Variants in GEMIN4 observed in about 807,000 individuals in gnomAD.
GEMIN4 encodes gem-associated protein 4.
GEMIN4 carries 59 observed loss-of-function variants against 76.8 expected under a neutral mutation model. The ratio of observed to expected loss-of-function variants is 0.77; its 90% confidence interval spans 0.62 to 0.95. The LOEUF is 0.95. GEMIN4 is among the 40% of genes least tolerant of loss of function. The pLI is 0.00. For synonymous variants in GEMIN4, 562 were observed against 559.7 expected, an observed-to-expected ratio of 1.00 and a Z score of -0.06; for missense variants, 1,311 against 1,318.9, an observed-to-expected ratio of 0.99 and a Z score of 0.09.
rs560016917 is a variant in GEMIN4 at position 744,776 on chromosome 17, T to G, written c.*90A>C. On this transcript the variant is annotated 3_prime_UTR_variant, in exon 2 of 2. Transcript: ENST00000319004. The stretch of plus-strand genomic sequence containing the variant: ...GTCTGACCCCTACAGACCTGCCATG[T>G]TGAAGCCCAGCTTTTTCGCTCCCGC... The G allele has an allele frequency of 4.0e-4, 569 of 1,416,622 alleles. 2 individuals carry two copies. The highest frequency in any genetic ancestry group is 7.7e-4 in the Admixed American group (31 of 40,328). The allele number at this position is 1,416,622 out of a possible 1,614,324, so 87.8% of individuals were successfully genotyped here.
rs1241830386 is a variant in GEMIN4 at position 745,760 on chromosome 17, G to T, written c.2283C>A (p.Arg761=). 2 of 1,610,724 alleles carry T rather than the reference G, an allele frequency of 1.2e-6. No homozygotes were observed. Among genetic ancestry groups the T allele is most frequent in the Non-Finnish European group, 8.5e-7 (1 of 1,178,562 alleles). The change falls in exon 2 of 2, where the codon CGC becomes CGA. Residue 761 remains arginine (R), a synonymous_variant. Transcript: ENST00000319004. The surrounding 1 kb of genome is among the most constrained non-coding windows in gnomAD (Gnocchi z 4.6). ...VWIKSLSWLH[R]KLEQLDWTVG... Reference sequence around the variant, plus strand: ...CAGTCCAGTCTAGCTGTTCTAACTTGCGGTGGAGCCAGGACAGGGACTTGA... The same window carrying T: ...CAGTCCAGTCTAGCTGTTCTAACTTTCGGTGGAGCCAGGACAGGGACTTGA...
Position 744,767 on chromosome 17 carries a change from C to G in GEMIN4, c.*99G>C. The G allele has an allele frequency of 7.5e-7, 1 of 1,333,758 alleles. No homozygotes were observed. The highest frequency in any genetic ancestry group is 1.0e-6 in the Non-Finnish European group (1 of 997,136). 82.6% of individuals were successfully genotyped at this position (1,333,758 alleles called of 1,614,324 possible). A position where few individuals can be genotyped will look rare whatever the true frequency, so the allele number is the denominator to read the frequency against. On this transcript the variant is annotated 3_prime_UTR_variant, in exon 2 of 2. Transcript: ENST00000319004. ...GCTGCTCGGGTCTGACCCCTACAGACCTGCCATGTTGAAGCCCAGCTTTTT... is the reference window on the plus strand; with the variant it reads ...GCTGCTCGGGTCTGACCCCTACAGAGCTGCCATGTTGAAGCCCAGCTTTTT...
chr17:745,013 G>A lies in GEMIN4; in HGVS notation c.3030C>T (p.Thr1010=), dbSNP rs533706850. ...PLYVLALETL[T]CYETLSKTNP... is the part of the protein sequence containing the mutation. ...TGGTCTTGCTCAAAGTCTCATAGCA[G>A]GTGAGGGTTTCCAAGGCTAAAACGT... The change falls in exon 2 of 2, where the codon ACC becomes ACT. Residue 1010 remains threonine (T), a synonymous_variant. Coordinates refer to ENST00000319004, the MANE Select transcript of GEMIN4 (RefSeq NM_015721.3). The surrounding 1 kb of genome is among the most constrained non-coding windows in gnomAD (Gnocchi z 4.6). 1.2e-5 allele frequency: 20 copies of A among 1,613,940 alleles called. No individual in the cohort carries two copies. In the South Asian group the frequency reaches 1.6e-4, roughly 13 times the overall value.
At chr17:752,647 C>T, upstream of GEMIN4, 3 of 1,018,296 alleles carry the variant, frequency 2.9e-6, no homozygotes, top group South Asian at 4.6e-5. Context: ...GCCGCGCCGC[C>T]CCCTCCAGAC....
chr17:751,282 G>A (rs554592763), intron 1 of GEMIN4, among the ~76,000 whole-genome samples: 2 of 152,328 alleles, frequency 1.3e-5, no homozygotes, highest in South Asian at 4.1e-4. Context: ...ACGATTTGCT[G>A]AGGGTGTCCC....
chr17:753,928 C>G (rs1395404741), upstream of GEMIN4: 1 of 152,204 alleles, frequency 6.6e-6, no homozygotes, highest in Non-Finnish European at 1.5e-5. Flanking sequence ...AAAGTCAAGT[C>G]CAAAAGCCCC....
rs1567777703 is a variant in GEMIN4 at position 746,642 on chromosome 17, AG to A, written c.1400del (p.Ala467ValfsTer13). 1 of 1,613,576 alleles carries A rather than the reference AG, an allele frequency of 6.2e-7. No homozygotes were observed. Among genetic ancestry groups the A allele is most frequent in the Non-Finnish European group, 8.5e-7 (1 of 1,179,872 alleles). On this transcript the variant is annotated frameshift_variant, in exon 2 of 2. Coordinates refer to ENST00000319004, the MANE Select transcript of GEMIN4 (RefSeq NM_015721.3). LOFTEE classifies it high-confidence loss of function. The surrounding 1 kb of genome is among the most constrained non-coding windows in gnomAD (Gnocchi z 4.3). Reference protein sequence around the residue: ...LLETVIDVSTADRAIPESQIR... With the variant: ...LLETVIDVSTXDRAIPESQIR... The stretch of plus-strand genomic sequence containing the variant: ...TCTGAGACTCAGGGATGGCTCTGTC[AG>A]CTGTGCTGACGTCTATCACTGTTTC...
At position 747,586 on chromosome 17, in the gene GEMIN4, A is replaced by T. The variant is rs201063045; in HGVS notation, c.457T>A (p.Ser153Thr). The T allele has an allele frequency of 1.2e-3, 1,961 of 1,613,926 alleles. 10 individuals are homozygous for T. Among genetic ancestry groups the T allele is most frequent in the South Asian group, 5.9e-3 (535 of 91,072 alleles). Reference protein sequence around the residue: ...RFLEHVTVDTSAEDVAFFLDV... With the variant: ...RFLEHVTVDTTAEDVAFFLDV... ...AGGAAGAAGGCCACGTCTTCGGCAG[A>T]AGTGTCAACGGTCACATGTTCCAGA... Residue 153 changes from serine to threonine, a missense_variant, in exon 2 of 2, where the codon TCT (serine) becomes ACT (threonine). Coordinates refer to ENST00000319004, the MANE Select transcript of GEMIN4 (RefSeq NM_015721.3).
chr17:749,930 T>C (rs1388172942), intron 1 of GEMIN4: 2 of 986,290 alleles, frequency 2.0e-6, no homozygotes, highest in African/African-American at 1.8e-5. Flanking sequence ...AACCAGGGAG[T>C]AGATACAGAA....
Position 747,596 on chromosome 17 carries a change from G to A in GEMIN4, c.447C>T (p.Thr149=), listed in dbSNP as rs140610672. ...AELERFLEHV[T]VDTSAEDVAF... Reference sequence around the variant, plus strand: ...CCACGTCTTCGGCAGAAGTGTCAACGGTCACATGTTCCAGAAAGCGCTCTA... The same window carrying A: ...CCACGTCTTCGGCAGAAGTGTCAACAGTCACATGTTCCAGAAAGCGCTCTA... Residue 149 remains threonine, a synonymous_variant, in exon 2 of 2, where the codon ACC becomes ACT. Transcript: ENST00000319004. The A allele has an allele frequency of 4.0e-5, 65 of 1,613,914 alleles. No homozygotes were observed. The South Asian group carries it at 5.4e-4, about 13-fold the overall frequency.
rs777864633 is a variant in GEMIN4, at chr17:747,394, C to A, written c.649G>T (p.Ala217Ser). 5.0e-6 allele frequency: 8 copies of A among 1,613,668 alleles called. No individual in the cohort carries two copies. Among genetic ancestry groups the A allele is most frequent in the Non-Finnish European group, 5.9e-6 (7 of 1,179,902 alleles). ...PDACPTMPLL[A>S]MLLRGLTQIQ... ...TGTGTCAGCCCGCGGAGCAGCATGG[C>A]CAACAGGGGCATGGTGGGGCACGCG... is the stretch of plus-strand genomic sequence containing the variant. Residue 217 changes from alanine to serine, a missense_variant, in exon 2 of 2, where the codon GCC becomes TCC. Around this residue, in one of 2 missense-constraint regions of GEMIN4, gnomAD observed 1,208 missense variants for 1,166.9 expected, o/e 1.04. Transcript: ENST00000319004.
Position 746,623 on chromosome 17 carries a change from A to C in GEMIN4, c.1420T>G (p.Ser474Ala). Residue 474 changes from serine (S) to alanine (A), a missense_variant, in exon 2 of 2, where the codon TCT (serine) becomes GCT (alanine). Ser to Ala is a moderately conservative substitution (Grantham distance 99, BLOSUM62 1). Transcript: ENST00000319004. The surrounding 1 kb of genome is among the most constrained non-coding windows in gnomAD (Gnocchi z 4.3). The stretch of plus-strand genomic sequence containing the variant: ...AGGTGGATCACCTGCCGGATCTGAG[A>C]CTCAGGGATGGCTCTGTCAGCTGTG... ...VSTADRAIPE[S>A]QIRQVIHLIL... The C allele has an allele frequency of 6.2e-7, 1 of 1,613,460 alleles. No individual in the cohort carries two copies. The highest frequency in any genetic ancestry group is 8.5e-7 in the Non-Finnish European group (1 of 1,179,850).
rs1974387534 is a variant in GEMIN4 at position 745,953 on chromosome 17, A to C, written c.2090T>G (p.Leu697Arg). Residue 697 changes from leucine (L) to arginine (R), a missense_variant, in exon 2 of 2, where the codon CTC (leucine) becomes CGC (arginine). By Grantham distance (102) the Leu-to-Arg change is moderately radical. Around this residue, in one of 2 missense-constraint regions of GEMIN4, gnomAD observed 1,208 missense variants for 1,166.9 expected, o/e 1.04. Coordinates refer to ENST00000319004, the MANE Select transcript of GEMIN4 (RefSeq NM_015721.3). The surrounding 1 kb of genome is among the most constrained non-coding windows in gnomAD (Gnocchi z 4.6). ...CAAGAGCTGGCACAAGCTGAAGAGG[A>C]GTGGAAACGGGGAGCAGGTCTGGAG... ...YWLQTCSPFP[L>R]LFSLCQLLDR... is the part of the protein sequence containing the mutation. The C allele has an allele frequency of 6.2e-7, 1 of 1,613,046 alleles. No homozygotes were observed. Among genetic ancestry groups the C allele is most frequent in the Non-Finnish European group, 8.5e-7 (1 of 1,179,860 alleles).
At position 746,582 on chromosome 17, in the gene GEMIN4, G is replaced by GT. The variant is rs1567777555; in HGVS notation, c.1460dup (p.Tyr487Ter). Residue 487 changes from tyrosine to a stop codon, truncating the protein, a stop_gained and frameshift_variant, in exon 2 of 2, where the codon TAC (tyrosine) becomes TAAC (stop). Coordinates refer to ENST00000319004, the MANE Select transcript of GEMIN4 (RefSeq NM_015721.3). LOFTEE classifies it high-confidence loss of function. The surrounding 1 kb of genome is among the most constrained non-coding windows in gnomAD (Gnocchi z 4.3). ...TTTTACCTGGCAGGGAGAGGTCTGC[G>GT]TAACATTCCAGGATCAGGTGGATCA... ...RQVIHLILECYADLSLPGKNK... is the reference protein window; with the variant it reads ...RQVIHLILEC 1 of 1,613,616 alleles carries GT rather than the reference G, an allele frequency of 6.2e-7. No individual in the cohort carries two copies.
chr17:746,052 AC>A lies in GEMIN4; in HGVS notation c.1990del (p.Val664LeufsTer4). The A allele has an allele frequency of 6.2e-7, 1 of 1,613,944 alleles. No individual in the cohort carries two copies. On this transcript the variant is annotated frameshift_variant, in exon 2 of 2. Transcript: ENST00000319004. LOFTEE classifies it high-confidence loss of function. This position sits in a 1 kb window ranked among gnomAD's most constrained non-coding sequence, Gnocchi z 4.3. ...CCTCAGACTGAGGTCTACCTCTTCAACATCTAACCTCAAGAAAGGCAGGACA... is the reference window on the plus strand; with the variant it reads ...CCTCAGACTGAGGTCTACCTCTTCAAATCTAACCTCAAGAAAGGCAGGACA... ...EFVLPFLRLD[V>X]EEVDLSLRIF...
Position 745,565 on chromosome 17 carries a change from G to A in GEMIN4, c.2478C>T (p.Ser826=), listed in dbSNP as rs201198950. Residue 826 remains serine, a synonymous_variant, in exon 2 of 2, where the codon AGC becomes AGT. Transcript: ENST00000319004. The surrounding 1 kb of genome is among the most constrained non-coding windows in gnomAD (Gnocchi z 4.6). ...LAWMECCCVS[S]GISERMLSLL... ...GAGACAGCATCCTCTCCGAGATGCC[G>A]CTGGAGACGCAGCAGCACTCCATCC... 1.4e-5 allele frequency: 22 copies of A among 1,612,126 alleles called. No individual in the cohort carries two copies. The highest frequency in any genetic ancestry group is 1.2e-4 in the Admixed American group (7 of 59,874).
chr17:752,704 A>C (rs57406438), upstream of GEMIN4: 2,950 of 887,820 alleles, frequency 3.3e-3, 75 homozygotes, highest in African/African-American at 0.047. Flanking sequence ...GGTCCTCCCC[A>C]GAAAATGCGC....
In GEMIN4 at chr17:745,400, C is replaced by T; in HGVS notation, c.2643G>A (p.Glu881=). ...RLHQLTRRLL[E]KQLLHVPYSL... ...TATAAGGGACATGGAGGAGCTGCTT[C>T]TCCAGCAGTCTCCTGGTCAGCTGGT... The change falls in exon 2 of 2, where the codon GAG becomes GAA. Residue 881 remains glutamate, a synonymous_variant. Transcript: ENST00000319004. This position sits in a 1 kb window ranked among gnomAD's most constrained non-coding sequence, Gnocchi z 4.6. 1 of 1,613,146 alleles carries T rather than the reference C, an allele frequency of 6.2e-7. No individual in the cohort carries two copies. Among genetic ancestry groups the T allele is most frequent in the Non-Finnish European group, 8.5e-7 (1 of 1,179,856 alleles).
rs546784711 is a variant in GEMIN4, at chr17:747,199, T to G, written c.844A>C (p.Asn282His). The change falls in exon 2 of 2, where the codon AAT (asparagine) becomes CAT (histidine). Residue 282 changes from asparagine to histidine, a missense_variant. Asn to His is a moderately conservative substitution (Grantham distance 68). Transcript: ENST00000319004. Reference protein sequence around the residue: ...VISVWNSDTQNPYHQQALAEK... With the variant: ...VISVWNSDTQHPYHQQALAEK... ...GCCAGCGCCTGCTGGTGGTAGGGAT[T>G]CTGGGTGTCCGAGTTCCACACAGAG... 1.9e-6 allele frequency: 3 copies of G among 1,613,118 alleles called. No individual in the cohort carries two copies. The highest frequency in any genetic ancestry group is 2.5e-6 in the Non-Finnish European group (3 of 1,179,668).
Sources: allele counts gnomAD v4.1 joint callset (sites outside exome capture counted in the v4.1 genomes callset), GRCh38; gene constraint gnomAD v4.1.1; regional missense constraint gnomAD v4.1.1; non-coding constraint Gnocchi (gnomAD v3.1); transcripts MANE v1.5; gene names NCBI Gene and HGNC (gene_info 2026-07-23, HGNC 2026-07-21).